CRPPA: variants seen among roughly 807,000 people sequenced by gnomAD.
CRPPA encodes the protein D-ribitol-5-phosphate cytidylyltransferase.
CRPPA carries 43 observed loss-of-function variants against 52.0 expected under a neutral mutation model. The observed-to-expected ratio is 0.83, with a 90% CI of 0.65 to 1.07. The LOEUF (loss-of-function observed/expected upper bound fraction) is 1.07. CRPPA is among the 50% of genes least tolerant of loss of function. The probability of loss-of-function intolerance (pLI) is 0.00; values close to 1 mark genes in which losing one functional copy is unlikely to be tolerated. For missense variants in CRPPA, 629 were observed against 551.7 expected (o/e 1.14, Z -1.40); for synonymous variants, 250 against 203.5 (o/e 1.23, Z -1.94).
At chr7:16,239,839 AG>A (rs1352345656) in intron 8 of CRPPA, among the ~76,000 whole-genome samples, 1 of 152,186 alleles carries the variant, frequency 6.6e-6, no homozygotes, top group Non-Finnish European at 1.5e-5. Context: ...GGAAATAAAT[AG>A]CAATGCCAAA....
intron 3 of CRPPA, among the ~76,000 whole-genome samples, chr7:16,373,898 A>G (rs1403936876): frequency 6.6e-6 from 1 of 152,180 alleles, no homozygotes; most frequent in Non-Finnish European, 1.5e-5. Flanking sequence ...AGTTATCTAT[A>G]ACCTAAAACT....
rs762312522 is a variant in CRPPA at position 16,087,636 on chromosome 7, A to G, written c.*4059T>C. 6.6e-6 allele frequency: 1 copy of G among 152,080 alleles called. No individual in the cohort carries two copies. Among genetic ancestry groups the G allele is most frequent in the Non-Finnish European group, 1.5e-5 (1 of 67,966 alleles). 9.4% of individuals were successfully genotyped at this position (152,080 alleles called of 1,614,324 possible). ...TAAAAATATGCATATGCTTCTTACA[A>G]TTTTGAAACTGAAATTAATAAGAAC... On this transcript the variant is annotated 3_prime_UTR_variant, in exon 10 of 10. Transcript: ENST00000407010.
intron 3 of CRPPA, among the ~76,000 whole-genome samples, chr7:16,319,012 A>G (rs560476799): frequency 6.6e-6 from 1 of 152,168 alleles, no homozygotes; most frequent in East Asian, 1.9e-4. Context: ...TCCCAACTTC[A>G]TCTCAATATA....
intron 5 of CRPPA, among the ~76,000 whole-genome samples, 156 bp from the exon 6 acceptor site, chr7:16,278,382 G>C (rs967295359): frequency 6.6e-6 from 1 of 152,334 alleles, no homozygotes; most frequent in Admixed American, 6.5e-5. Context: ...TACACACTGA[G>C]ATGGCCTTGA....
chr7:16,187,371 A>G (rs1277599838), intron 9 of CRPPA, among the ~76,000 whole-genome samples: 1 of 152,196 alleles, frequency 6.6e-6, no homozygotes, highest in Non-Finnish European at 1.5e-5. Context: ...AACAATATGT[A>G]TATTTACAGT....
At chr7:16,312,274 T>G (rs58327496) in intron 3 of CRPPA, among the ~76,000 whole-genome samples, 29,029 of 151,918 alleles carry the variant, frequency 0.19, 2,968 homozygotes, top group East Asian at 0.38. Context: ...TCTCCATTTA[T>G]GTAGTTCTTT....
chr7:16,286,062 T>TTTAAAAAA lies in CRPPA; in HGVS notation c.836-7837_836-7836insTTTTTTAA, dbSNP rs1562608492. ...AAATATAAATATATATATATATATA[T>TTTAAAAAA]ATATATATATATATATATAATATTT... On this transcript the variant is annotated intron_variant, in intron 5 of 9. Transcript: ENST00000407010. 2.2e-4 allele frequency among the ~76,000 whole-genome samples: 7 copies of TTTAAAAAA among 32,370 alleles called. 2 individuals are homozygous for TTTAAAAAA. The highest frequency in any genetic ancestry group is 1.2e-3 in the African/African-American group (6 of 4,940). The allele number at this position is 32,370 out of a possible 152,430, so 21.2% of individuals were successfully genotyped here.
intron 9 of CRPPA, chr7:16,209,201 T>C (rs769889200): frequency 3.1e-6 from 1 of 318,762 alleles, no homozygotes; most frequent in Non-Finnish European, 6.1e-6. Flanking sequence ...ATGCTAGCTA[T>C]CAAAAGATGC....
intron 3 of CRPPA, among the ~76,000 whole-genome samples, chr7:16,361,171 A>T (rs530793275): frequency 7.4e-4 from 112 of 152,352 alleles, no homozygotes; most frequent in African/African-American, 2.7e-3. Context: ...ATACCATTTC[A>T]TCCCCATTAG....
chr7:16,365,571 A>G (rs1786569658), intron 3 of CRPPA, among the ~76,000 whole-genome samples: 2 of 152,364 alleles, frequency 1.3e-5, no homozygotes, highest in South Asian at 2.1e-4. Context: ...GGCACAAATT[A>G]GTCAAAAAAA....
At chr7:16,349,482 T>C (rs1411562676) in intron 3 of CRPPA, among the ~76,000 whole-genome samples, 2 of 152,118 alleles carry the variant, frequency 1.3e-5, no homozygotes, top group African/African-American at 2.4e-5. Flanking sequence ...AGATATGTGA[T>C]TTACCTGACA....
Position 16,245,938 on chromosome 7 carries a change from T to C in CRPPA, c.1119+12452A>G, listed in dbSNP as rs569546450. ...AGTCCTAATCTTTTTGCTTGCATAA[T>C]GGCTCCTGACTGTTCACGGTGGTGG... is the stretch of plus-strand genomic sequence containing the variant. On this transcript the variant is annotated intron_variant, in intron 8 of 9. Coordinates refer to ENST00000407010, the MANE Select transcript of CRPPA (RefSeq NM_001101426.4). 3.9e-5 allele frequency among the ~76,000 whole-genome samples: 6 copies of C among 152,234 alleles called. No individual in the cohort carries two copies. In the East Asian group the frequency reaches 9.7e-4, roughly 25 times the overall value.
intron 8 of CRPPA, among the ~76,000 whole-genome samples, chr7:16,257,297 A>G (rs1783670775): frequency 6.6e-6 from 1 of 152,112 alleles, no homozygotes; most frequent in Non-Finnish European, 1.5e-5. Context: ...GTAAATGTGG[A>G]GAGAGGAATA....
At chr7:16,171,759 C>T (rs1334345063) in intron 9 of CRPPA, among the ~76,000 whole-genome samples, 2 of 152,116 alleles carry the variant, frequency 1.3e-5, no homozygotes, top group Admixed American at 6.5e-5. Flanking sequence ...TGCCACTGCA[C>T]TCAGCCTGGG....
chr7:16,408,309 G>C (rs1472709651), intron 1 of CRPPA, among the ~76,000 whole-genome samples: 1 of 152,128 alleles, frequency 6.6e-6, no homozygotes, highest in Non-Finnish European at 1.5e-5. Context: ...CATTCTCCAA[G>C]AAAAGGGAGT....
At chr7:16,245,092 T>C (rs983766168) in intron 8 of CRPPA, among the ~76,000 whole-genome samples, 22 of 151,834 alleles carry the variant, frequency 1.4e-4, no homozygotes, top group African/African-American at 3.4e-4. Flanking sequence ...CTTGGTTTAA[T>C]CTTCCAGAAA....
At chr7:16,110,133 T>C (rs1782231252) in intron 9 of CRPPA, among the ~76,000 whole-genome samples, 1 of 152,048 alleles carries the variant, frequency 6.6e-6, no homozygotes, top group Non-Finnish European at 1.5e-5. Context: ...CATTTTTATA[T>C]ACTAGCAACA....
chr7:16,271,717 A>G (rs1784093343), intron 6 of CRPPA, among the ~76,000 whole-genome samples: 1 of 152,128 alleles, frequency 6.6e-6, no homozygotes, highest in South Asian at 2.1e-4. Context: ...TCCACTCCCA[A>G]TCTAAGTCAC....
At chr7:16,270,131 C>T (rs1043262159) in intron 6 of CRPPA, 2 of 152,114 alleles carry the variant, frequency 1.3e-5, no homozygotes, top group Non-Finnish European at 2.9e-5. Context: ...TAAGACTTGA[C>T]TTTATGAATA....
Sources: allele counts gnomAD v4.1 joint callset (sites outside exome capture counted in the v4.1 genomes callset), GRCh38; gene constraint gnomAD v4.1.1; transcripts MANE v1.5; gene names NCBI Gene and HGNC (gene_info 2026-07-23, HGNC 2026-07-21).